The following AKAP9 variants were observed in gnomAD, a reference collection of about 807,000 sequenced individuals.
The protein encoded by AKAP9 is A-kinase anchoring protein 9.
A neutral mutation model predicts 488.5 loss-of-function variants in AKAP9; 311 were observed. The ratio of observed to expected loss-of-function variants is 0.64; its 90% CI spans 0.58 to 0.70. The LOEUF (loss-of-function observed/expected upper bound fraction) is 0.70, where lower values mean the gene tolerates loss of function less well. AKAP9 is among the 30% of genes least tolerant of loss of function. The pLI, the probability that AKAP9 is intolerant of heterozygous loss-of-function variation, is 0.00. For synonymous variants in AKAP9, 1,462 were observed against 1,483.5 expected (o/e 0.99, Z 0.33); for missense variants, 4,215 against 4,374.5 (o/e 0.96, Z 1.03).
intron 3 of AKAP9, among the ~76,000 whole-genome samples, chr7:91,982,317 A>G (rs1229012337): frequency 6.6e-6 from 1 of 151,848 alleles, no homozygotes; most frequent in Non-Finnish European, 1.5e-5. Context: ...CATTAGGTAT[A>G]TCTCCTAATG....
chr7:92,031,433 G>A, intron 15 of AKAP9, 79 bp from the exon 16 acceptor site: 3 of 993,962 alleles, frequency 3.0e-6, no homozygotes, highest in East Asian at 2.4e-5. Context: ...ATACTTTGGG[G>A]AGATTTTGAG....
At position 92,048,134 on chromosome 7, in the gene AKAP9, G is replaced by A. The variant is rs73226360; in HGVS notation, c.5368+2921G>A. On this transcript the variant is annotated intron_variant, in intron 21 of 49. Coordinates refer to ENST00000356239, the MANE Select transcript of AKAP9 (RefSeq NM_005751.5). ...ACATTCCTTCATAAATATAATGGGA[G>A]CATTATTTTTAAAAATGAAAAACTT... 8.8e-4 allele frequency among the ~76,000 whole-genome samples: 134 copies of A among 152,134 alleles called. 1 individual carries two copies. Among genetic ancestry groups the A allele is most frequent in the South Asian group, 2.9e-3 (14 of 4,822 alleles).
chr7:92,022,209 T>A (rs764819021), intron 12 of AKAP9, 29 bp from the exon 13 acceptor site: 1 of 1,482,994 alleles, frequency 6.7e-7, no homozygotes, highest in Non-Finnish European at 9.4e-7. Context: ...GTATTTATGT[T>A]ACTGCTTTTA....
intron 2 of AKAP9, among the ~76,000 whole-genome samples, chr7:91,975,928 T>G (rs937217762): frequency 4.1e-5 from 6 of 145,812 alleles, no homozygotes; most frequent in South Asian, 4.3e-4. Context: ...TTTGTTTGTT[T>G]TTTTTTTTTT....
At position 92,096,929 on chromosome 7, in the gene AKAP9, G is replaced by T. The variant is rs182048899; in HGVS notation, c.9970G>T (p.Ala3324Ser). Residue 3324 changes from alanine to serine, a missense_variant, in exon 41 of 50, where the codon GCA (alanine) becomes TCA (serine). Ala to Ser is a moderately conservative substitution (Grantham distance 99). Around this residue, in one of 5 missense-constraint regions of AKAP9, gnomAD observed 1,476 missense variants for 1,477.4 expected, o/e 1.00. Transcript: ENST00000356239. ...STLDRERELHAQLQSSDGTGQ... is the reference protein window; with the variant it reads ...STLDRERELHSQLQSSDGTGQ... ...CCTAGATAGGGAGCGGGAATTGCAC[G>T]CACAGCTGCAGAGCAGTGATGGTAC... 3 of 1,614,160 alleles carry T rather than the reference G, an allele frequency of 1.9e-6. No homozygotes were observed. The highest frequency in any genetic ancestry group is 1.3e-5 in the African/African-American group (1 of 75,036).
In AKAP9 at chr7:92,002,674, A is replaced by C; in HGVS notation, c.2757A>C (p.Glu919Asp). Reference sequence around the variant, plus strand: ...AAATGAAAAGTTCTGTCTTTGATGAAGACAAAACTTTTGTAGCAGAAACAT... The same window carrying C: ...AAATGAAAAGTTCTGTCTTTGATGACGACAAAACTTTTGTAGCAGAAACAT... Reference protein sequence around the residue: ...TVKMKSSVFDEDKTFVAETLE... With the variant: ...TVKMKSSVFDDDKTFVAETLE... Residue 919 changes from glutamate (E) to aspartate (D), a missense_variant, in exon 8 of 50, where the codon GAA becomes GAC. This residue lies in a region of AKAP9 where 2,361 missense variants were observed against 2,430.0 expected (regional missense o/e 0.97). Transcript: ENST00000356239. 1 of 1,613,516 alleles carries C rather than the reference A, an allele frequency of 6.2e-7. No individual in the cohort carries two copies. Among genetic ancestry groups the C allele is most frequent in the Non-Finnish European group, 8.5e-7 (1 of 1,179,680 alleles).
chr7:91,975,253 T>C (rs1231635996), intron 2 of AKAP9, among the ~76,000 whole-genome samples: 1 of 152,188 alleles, frequency 6.6e-6, no homozygotes, highest in Non-Finnish European at 1.5e-5. Context: ...ATCCTCCCGC[T>C]CTGGCTCCCA....
At chr7:92,049,609 T>C (rs1807578114) in intron 21 of AKAP9, among the ~76,000 whole-genome samples, 2 of 151,722 alleles carry the variant, frequency 1.3e-5, no homozygotes, top group South Asian at 2.1e-4. Flanking sequence ...AGACTCCATC[T>C]CAAAAAAAAT....
intron 1 of AKAP9, among the ~76,000 whole-genome samples, chr7:91,953,345 A>C (rs555812685): frequency 6.6e-6 from 1 of 152,340 alleles, no homozygotes; most frequent in East Asian, 1.9e-4. Context: ...ATACATCTAA[A>C]TGGAATTTTT....
At position 92,081,493 on chromosome 7, in the gene AKAP9, A is replaced by AT. The variant is rs202196637; in HGVS notation, c.8020-1028dup. On this transcript the variant is annotated intron_variant, in intron 31 of 49. Coordinates refer to ENST00000356239, the MANE Select transcript of AKAP9 (RefSeq NM_005751.5). The stretch of plus-strand genomic sequence containing the variant: ...CTAATTTATATATATATATATATAT[A>AT]TATATTTTTTTTTTTTTAGTAGAGA... Among the ~76,000 whole-genome samples, 747 of 121,426 alleles carry AT rather than the reference A, an allele frequency of 6.2e-3. 17 individuals are homozygous for AT. The highest frequency in any genetic ancestry group is 0.024 in the African/African-American group (678 of 28,804). 79.7% of individuals were successfully genotyped at this position (121,426 alleles called of 152,430 possible).
rs752890073 is a variant in AKAP9, at chr7:92,093,236, T to G, written c.9498T>G (p.Ser3166Arg). 6.2e-7 allele frequency: 1 copy of G among 1,613,750 alleles called. No individual in the cohort carries two copies. Among genetic ancestry groups the G allele is most frequent in the South Asian group, 1.1e-5 (1 of 91,052 alleles). Residue 3166 changes from serine (S) to arginine (R), a missense_variant, in exon 39 of 50, where the codon AGT becomes AGG. Physicochemically the swap from Ser to Arg is moderately radical, Grantham distance 110. Transcript: ENST00000356239. Reference protein sequence around the residue: ...SEKMVVAELKSELAQTKLELE... With the variant: ...SEKMVVAELKRELAQTKLELE... ...AAATGGTGGTTGCTGAACTGAAGAG[T>G]GAGCTTGCACAAACTAAATTGGAAC...
intron 3 of AKAP9, among the ~76,000 whole-genome samples, chr7:91,985,620 C>T (rs1026836887): frequency 6.6e-6 from 1 of 151,904 alleles, no homozygotes; most frequent in Non-Finnish European, 1.5e-5. Context: ...ATGATGCTGG[C>T]CTCATTTAAG....
intron 21 of AKAP9, 39 bp downstream of exon 21, chr7:92,045,252 A>G (rs1231210272): frequency 1.3e-6 from 2 of 1,586,552 alleles, no homozygotes; most frequent in Non-Finnish European, 1.7e-6. Context: ...TCATTTCAAC[A>G]AATCTGCTGA....
intron 16 of AKAP9, among the ~76,000 whole-genome samples, chr7:92,036,992 A>G (rs1467248952): frequency 6.6e-6 from 1 of 152,174 alleles, no homozygotes; most frequent in Non-Finnish European, 1.5e-5. Context: ...GAAGAAACAG[A>G]ATGGCATATA....
intron 49 of AKAP9, among the ~76,000 whole-genome samples, chr7:92,109,409 CTT>C (rs1819016582): frequency 6.6e-6 from 1 of 152,074 alleles, no homozygotes; most frequent in South Asian, 2.1e-4. Flanking sequence ...TAATAGGAAA[CTT>C]TTATTATCAT....
chr7:92,006,900 G>C (rs995832520), intron 8 of AKAP9, among the ~76,000 whole-genome samples: 2 of 152,162 alleles, frequency 1.3e-5, no homozygotes, highest in Non-Finnish European at 2.9e-5. Flanking sequence ...AGATACCGGA[G>C]CTTAGAAACT....
At chr7:92,026,425 C>G (rs1563004494) in intron 14 of AKAP9, among the ~76,000 whole-genome samples, 1 of 152,158 alleles carries the variant, frequency 6.6e-6, no homozygotes, top group African/African-American at 2.4e-5. Context: ...ACCTCCCTGC[C>G]TCGGGCTCCC....
chr7:92,030,117 C>A, intron 15 of AKAP9, 126 bp downstream of exon 15: 1 of 680,760 alleles, frequency 1.5e-6, no homozygotes, highest in African/African-American at 1.8e-5. Flanking sequence ...GAGGATAATG[C>A]CTTATATAGA....
chr7:92,048,181 G>A (rs1447476843), intron 21 of AKAP9, among the ~76,000 whole-genome samples: 1 of 151,920 alleles, frequency 6.6e-6, no homozygotes, highest in Non-Finnish European at 1.5e-5. Flanking sequence ...ATGTTTTTTA[G>A]TATAACAAAA....
Sources: gnomAD v4.1 joint callset for allele counts (sites outside exome capture counted in the v4.1 genomes callset) on GRCh38, gnomAD v4.1.1 for gene constraint, gnomAD v4.1.1 regional missense constraint, MANE v1.5 for transcripts, NCBI Gene and HGNC (gene_info 2026-07-23, HGNC 2026-07-21) for gene names.